Variants in INO80D observed in about 807,000 individuals in gnomAD.
INO80D encodes the protein INO80 complex subunit D.
In INO80D, 21 loss-of-function variants were observed where a neutral mutation model predicts 87.6. The observed-to-expected ratio is 0.24, with a 90% CI of 0.17 to 0.35. The LOEUF (loss-of-function observed/expected upper bound fraction) is 0.35, where lower values mean the gene tolerates loss of function less well. Ranked by LOEUF, INO80D falls within the 10% of genes least tolerant of loss-of-function variation. INO80D has a pLI of 1.00. For missense variants in INO80D, 982 were observed against 1,280.7 expected (o/e 0.77, Z 3.56); for synonymous variants, 440 against 491.0 (o/e 0.90, Z 1.37).
At chr2:206,074,133 A>G (rs1690045646) in intron 1 of INO80D, among the ~76,000 whole-genome samples, 1 of 152,240 alleles carries the variant, frequency 6.6e-6, no homozygotes, top group Admixed American at 6.5e-5. Context: ...TGCTTAGCAT[A>G]TAAACAGACC....
In INO80D at chr2:206,009,705, G is replaced by C; in HGVS notation, c.1632C>G (p.Thr544=). The change falls in exon 9 of 11, where the codon ACC becomes ACG. Residue 544 remains threonine (T), a synonymous_variant. Transcript: ENST00000403263. ...GCCTTCTCTTCTTCTTGTGTTTTTT[G>C]GTTAGTGCAGGAGGCTTGGTTTTTT... ...PRKKTKPPAL[T]KKHKKKRRRG... is the part of the protein sequence containing the mutation. 1 of 1,613,904 alleles carries C rather than the reference G, an allele frequency of 6.2e-7. No homozygotes were observed. Among genetic ancestry groups the C allele is most frequent in the Non-Finnish European group, 8.5e-7 (1 of 1,179,874 alleles).
chr2:206,027,971 T>G (rs745804919), intron 6 of INO80D, 140 bp downstream of exon 6: 8 of 494,180 alleles, frequency 1.6e-5, no homozygotes, highest in Non-Finnish European at 2.4e-5. Context: ...AGCACTTTAA[T>G]AAAGCAAGAA....
intron 3 of INO80D, among the ~76,000 whole-genome samples, chr2:206,058,884 A>G (rs1368656540): frequency 6.6e-6 from 1 of 152,120 alleles, no homozygotes; most frequent in East Asian, 1.9e-4. Context: ...ATGAAGTTCC[A>G]AGAGGAAACT....
At chr2:206,080,508 T>G (rs946847955) in intron 1 of INO80D, among the ~76,000 whole-genome samples, 1 of 152,216 alleles carries the variant, frequency 6.6e-6, no homozygotes, top group Non-Finnish European at 1.5e-5. Flanking sequence ...AAAATATATT[T>G]ATTTGCCCCA....
At position 206,070,389 on chromosome 2, in the gene INO80D, G is replaced by A. The variant is rs775432251; in HGVS notation, c.-123-7145C>T. Among the ~76,000 whole-genome samples the A allele has an allele frequency of 2.1e-4, 32 of 150,550 alleles. No individual in the cohort carries two copies. In the South Asian group the frequency reaches 2.5e-3, roughly 12 times the overall value. Reference sequence around the variant, plus strand: ...CAGTGTGCCAAAACTGCACCACACCGCACTCCAGCCTGGGCAACAGAATGA... The same window carrying A: ...CAGTGTGCCAAAACTGCACCACACCACACTCCAGCCTGGGCAACAGAATGA... On this transcript the variant is annotated intron_variant, in intron 1 of 10. Coordinates refer to ENST00000403263, the MANE Select transcript of INO80D (RefSeq NM_017759.5).
At chr2:206,013,417 TG>T (rs1214491595) in intron 8 of INO80D, among the ~76,000 whole-genome samples, 1 of 151,974 alleles carries the variant, frequency 6.6e-6, no homozygotes, top group East Asian at 1.9e-4. Flanking sequence ...CCAGGCGTGG[TG>T]GCAGGCACCT....
In INO80D at chr2:206,062,835, C is replaced by T. The variant is rs774689617; in HGVS notation, c.182G>A (p.Arg61His). Reference sequence around the variant, plus strand: ...TGATTTGGGGATGGGGTTGGTGCAGCGTTGGCTGTTATACTTGGCCACATA... The same window carrying T: ...TGATTTGGGGATGGGGTTGGTGCAGTGTTGGCTGTTATACTTGGCCACATA... The part of the protein sequence containing the change: ...CEYVAKYNSQ[R>H]CTNPIPKSED... The change falls in exon 3 of 11, where the codon CGC (arginine) becomes CAC (histidine). Residue 61 changes from arginine (R) to histidine (H), a missense_variant. Coordinates refer to ENST00000403263, the MANE Select transcript of INO80D (RefSeq NM_017759.5). This position sits in a 1 kb window ranked among gnomAD's most constrained non-coding sequence, Gnocchi z 4.6. 2 of 1,612,746 alleles carry T rather than the reference C, an allele frequency of 1.2e-6. No homozygotes were observed. Among genetic ancestry groups the T allele is most frequent in the South Asian group, 1.1e-5 (1 of 90,894 alleles).
chr2:206,059,205 A>G (rs1249540739), intron 3 of INO80D, among the ~76,000 whole-genome samples: 1 of 152,070 alleles, frequency 6.6e-6, no homozygotes, highest in Non-Finnish European at 1.5e-5. Context: ...ACGTGGTGAA[A>G]CCCTGTCTCT....
chr2:206,072,285 G>GT (rs113222833), intron 1 of INO80D, among the ~76,000 whole-genome samples: 7,950 of 150,216 alleles, frequency 0.053, 259 homozygotes, highest in African/African-American at 0.086. Flanking sequence ...GTTTTGTTTG[G>GT]TTTTTTTTTG....
chr2:206,083,522 T>C (rs1252661447), intron 1 of INO80D, among the ~76,000 whole-genome samples: 1 of 152,214 alleles, frequency 6.6e-6, no homozygotes, highest in Non-Finnish European at 1.5e-5. Context: ...TGCATTTTTG[T>C]ATCAGATCCA....
chr2:206,078,685 G>A (rs10211097), intron 1 of INO80D, among the ~76,000 whole-genome samples: 45,617 of 151,890 alleles, frequency 0.3, 7,488 homozygotes, highest in African/African-American at 0.44. Context: ...GGTGGCTCAC[G>A]CCTGTAATCC....
intron 6 of INO80D, among the ~76,000 whole-genome samples, chr2:206,020,565 A>T (rs1026225089): frequency 7.9e-5 from 12 of 152,190 alleles, no homozygotes; most frequent in African/African-American, 2.9e-4. Context: ...TCTATTTTTT[A>T]AACTTTCTAT....
intron 7 of INO80D, 137 bp downstream of exon 7, chr2:206,019,599 A>G (rs896137624): frequency 1.2e-5 from 8 of 646,798 alleles, no homozygotes; most frequent in Non-Finnish European, 1.7e-5. Context: ...CATCATGAAA[A>G]TTATGTTCGA....
chr2:206,045,766 G>A (rs1654216222), intron 5 of INO80D, among the ~76,000 whole-genome samples: 1 of 152,000 alleles, frequency 6.6e-6, no homozygotes, highest in African/African-American at 2.4e-5. Context: ...GATCAATGTT[G>A]CAGAAGATAG....
intron 5 of INO80D, among the ~76,000 whole-genome samples, chr2:206,045,290 G>A (rs1689165789): frequency 6.6e-6 from 1 of 152,154 alleles, no homozygotes; most frequent in East Asian, 1.9e-4. Flanking sequence ...TTAGTCTCTA[G>A]TGAATCAGTT....
chr2:206,027,266 C>A (rs1407206033), intron 6 of INO80D, among the ~76,000 whole-genome samples: 1 of 152,150 alleles, frequency 6.6e-6, no homozygotes, highest in Non-Finnish European at 1.5e-5. Flanking sequence ...TTTCCCTTCT[C>A]ATTTGTGTAT....
At chr2:206,024,137 T>C (rs1688540410) in intron 6 of INO80D, among the ~76,000 whole-genome samples, 1 of 152,236 alleles carries the variant, frequency 6.6e-6, no homozygotes, top group South Asian at 2.1e-4. Flanking sequence ...CATTATTTTA[T>C]AACCTGTGTC....
intron 5 of INO80D, among the ~76,000 whole-genome samples, chr2:206,034,455 A>G (rs1403871373): frequency 6.6e-6 from 1 of 152,208 alleles, no homozygotes; most frequent in African/African-American, 2.4e-5. Context: ...AAGTCAAGAA[A>G]TGCAATATAC....
intron 8 of INO80D, among the ~76,000 whole-genome samples, chr2:206,010,601 T>G (rs1688146293): frequency 6.6e-6 from 1 of 152,200 alleles, no homozygotes; most frequent in African/African-American, 2.4e-5. Context: ...AAATAAAGAT[T>G]GTAGACCATA....
Sources: gnomAD v4.1 joint callset for allele counts (sites outside exome capture counted in the v4.1 genomes callset) on GRCh38, gnomAD v4.1.1 for gene constraint, Gnocchi (gnomAD v3.1) non-coding constraint, MANE v1.5 for transcripts, NCBI Gene and HGNC (gene_info 2026-07-23, HGNC 2026-07-21) for gene names.